The following MGAT4A variants were observed in gnomAD, a reference collection of about 807,000 sequenced individuals.
MGAT4A encodes N-acetylglucosaminyltransferase IVa.
Under a neutral mutation model 74.1 loss-of-function variants are expected in MGAT4A, and 33 were observed. The observed-to-expected ratio is 0.45, with a 90% CI of 0.34 to 0.60. The LOEUF (loss-of-function observed/expected upper bound fraction) is 0.60, where lower values mean the gene tolerates loss of function less well. Among genes scored for constraint, MGAT4A ranks in the 20% least tolerant of loss-of-function variants. The pLI, the probability that MGAT4A is intolerant of heterozygous loss-of-function variation, is 0.02. For synonymous variants in MGAT4A, 198 were observed against 210.4 expected, an observed-to-expected ratio of 0.94 and a Z score of 0.51; for missense variants, 479 against 628.3, an observed-to-expected ratio of 0.76 and a Z score of 2.54.
Position 98,623,811 on chromosome 2 carries a change from G to A in MGAT4A, c.*1755C>T. ...GGAAATGATGCTATTTCATGCTGTTGGTTCAGCACATTGGGTAACTAGATG... is the reference window on the plus strand; with the variant it reads ...GGAAATGATGCTATTTCATGCTGTTAGTTCAGCACATTGGGTAACTAGATG... On this transcript the variant is annotated 3_prime_UTR_variant, in exon 16 of 16. Transcript: ENST00000393487. 1 of 985,352 alleles carries A rather than the reference G, an allele frequency of 1.0e-6. No individual in the cohort carries two copies. The highest frequency in any genetic ancestry group is 1.2e-6 in the Non-Finnish European group (1 of 829,920). 61.0% of individuals were successfully genotyped at this position (985,352 alleles called of 1,614,324 possible). A position where few individuals can be genotyped will look rare whatever the true frequency, so the allele number is the denominator to read the frequency against.
intron 5 of MGAT4A, among the ~76,000 whole-genome samples, chr2:98,659,910 TATATAAA>T (rs1483874994): frequency 6.6e-6 from 1 of 152,130 alleles, no homozygotes; most frequent in Middle Eastern, 3.2e-3. Context: ...GACTCAATGA[TATATAAA>T]ATATAATCTA....
chr2:98,631,991 T>A (rs1447522760), intron 14 of MGAT4A, among the ~76,000 whole-genome samples: 1 of 151,954 alleles, frequency 6.6e-6, no homozygotes, highest in East Asian at 1.9e-4. Context: ...GCGCCTGTAA[T>A]CCCAGGTACT....
intron 4 of MGAT4A, among the ~76,000 whole-genome samples, chr2:98,670,678 T>C (rs956460192): frequency 3.9e-5 from 6 of 152,206 alleles, no homozygotes; most frequent in Non-Finnish European, 7.3e-5. Context: ...GCTTTCCTTA[T>C]ATCTCATGAC....
Position 98,663,107 on chromosome 2 carries a change from A to C in MGAT4A, c.476T>G (p.Leu159Arg). 2 of 1,602,080 alleles carry C rather than the reference A, an allele frequency of 1.2e-6. No individual in the cohort carries two copies. The highest frequency in any genetic ancestry group is 1.7e-6 in the Non-Finnish European group (2 of 1,171,388). Residue 159 changes from leucine (L) to arginine (R), a missense_variant, in exon 5 of 16, where the codon CTT (leucine) becomes CGT (arginine). Transcript: ENST00000393487. ...KSYLIETLHS[L>R]IDNLYPEEKL... ...CTCTTCAGGATACAGGTTATCAATA[A>C]GGGAATGAAGAGTTTCTATGAGGTA...
intron 14 of MGAT4A, among the ~76,000 whole-genome samples, chr2:98,631,989 A>G (rs1701244267): frequency 6.6e-6 from 1 of 152,136 alleles, no homozygotes; most frequent in African/African-American, 2.4e-5. Context: ...GGGCGCCTGT[A>G]ATCCCAGGTA....
intron 2 of MGAT4A, among the ~76,000 whole-genome samples, chr2:98,702,873 A>G (rs1702371759): frequency 6.6e-6 from 1 of 152,250 alleles, no homozygotes; most frequent in Non-Finnish European, 1.5e-5. Flanking sequence ...CCAGTTACTT[A>G]AACAAATAGC....
chr2:98,629,454 T>G (rs12623494), intron 14 of MGAT4A, among the ~76,000 whole-genome samples: 25,936 of 152,152 alleles, frequency 0.17, 2,379 homozygotes, highest in Middle Eastern at 0.24. Flanking sequence ...GAATTAGGCA[T>G]GGGATTCAGA....
At chr2:98,654,762 T>C (rs1701634925) in intron 8 of MGAT4A, among the ~76,000 whole-genome samples, 1 of 151,854 alleles carries the variant, frequency 6.6e-6, no homozygotes, top group Admixed American at 6.6e-5. Context: ...CTACCAAAAT[T>C]CCCAAGGCAT....
chr2:98,729,545 A>C (rs1056487504), intron 1 of MGAT4A, among the ~76,000 whole-genome samples: 5 of 152,198 alleles, frequency 3.3e-5, no homozygotes, highest in Non-Finnish European at 7.4e-5. Context: ...ACAACAACAA[A>C]AAAAGGTAGT....
intron 2 of MGAT4A, among the ~76,000 whole-genome samples, chr2:98,719,116 T>C (rs1702630686): frequency 2.0e-5 from 3 of 152,080 alleles, no homozygotes; most frequent in Admixed American, 1.3e-4. Flanking sequence ...GCCTAGAGTG[T>C]GGGAGCTAGC....
At chr2:98,632,055 A>G (rs1228495137) in intron 14 of MGAT4A, among the ~76,000 whole-genome samples, 1 of 152,014 alleles carries the variant, frequency 6.6e-6, no homozygotes, top group African/African-American at 2.4e-5. Context: ...GCTTGCAGTG[A>G]GCCGGGATTG....
intron 4 of MGAT4A, among the ~76,000 whole-genome samples, chr2:98,673,538 C>T (rs1701938607): frequency 4.6e-5 from 7 of 151,968 alleles, no homozygotes; most frequent in Admixed American, 4.6e-4. Flanking sequence ...GTTTTTTCTA[C>T]CTTTCAAAAA....
intron 4 of MGAT4A, among the ~76,000 whole-genome samples, chr2:98,666,382 T>C (rs950102633): frequency 3.3e-5 from 5 of 152,110 alleles, no homozygotes; most frequent in African/African-American, 1.2e-4. Flanking sequence ...GAAGCAAAAT[T>C]CCATAGAATA....
intron 2 of MGAT4A, among the ~76,000 whole-genome samples, chr2:98,682,055 A>G (rs1225105102): frequency 1.3e-5 from 2 of 152,220 alleles, no homozygotes. Context: ...TAAAAAATGA[A>G]CAAATGAGGG....
intron 2 of MGAT4A, among the ~76,000 whole-genome samples, chr2:98,684,266 T>C (rs1307616149): frequency 2.0e-5 from 3 of 152,224 alleles, no homozygotes; most frequent in Non-Finnish European, 4.4e-5. Context: ...TTCTTATTTT[T>C]GCTTTTCTTA....
chr2:98,662,822 G>A (rs953803259), intron 5 of MGAT4A, among the ~76,000 whole-genome samples: 3 of 152,108 alleles, frequency 2.0e-5, no homozygotes, highest in Admixed American at 6.5e-5. Flanking sequence ...AAAGATCTAC[G>A]GGTGTAACAT....
chr2:98,696,943 T>G (rs1702283007), intron 2 of MGAT4A, among the ~76,000 whole-genome samples: 1 of 152,228 alleles, frequency 6.6e-6, no homozygotes, highest in Admixed American at 6.5e-5. Context: ...ATTTCTGCAT[T>G]GTGATCCACT....
At chr2:98,696,830 A>G (rs1163552531) in intron 2 of MGAT4A, among the ~76,000 whole-genome samples, 2 of 152,262 alleles carry the variant, frequency 1.3e-5, no homozygotes. Flanking sequence ...TGGCTTTGTA[A>G]CAACTGCATA....
At chr2:98,637,143 C>T (rs759533441) in intron 12 of MGAT4A, among the ~76,000 whole-genome samples, 1 of 151,804 alleles carries the variant, frequency 6.6e-6, no homozygotes, top group Non-Finnish European at 1.5e-5. Flanking sequence ...GACCTCGTCG[C>T]TACAAAAAAA....
Sources: gnomAD v4.1 joint callset for allele counts (sites outside exome capture counted in the v4.1 genomes callset) on GRCh38, gnomAD v4.1.1 for gene constraint, MANE v1.5 for transcripts, NCBI Gene and HGNC (gene_info 2026-07-23, HGNC 2026-07-21) for gene names.